ECHDC3: variants seen among roughly 807,000 people sequenced by gnomAD.
The protein encoded by ECHDC3 is enoyl-CoA hydratase domain containing 3, also known as enoyl-CoA hydratase domain-containing protein 3, mitochondrial.
A neutral mutation model predicts 17.9 loss-of-function variants in ECHDC3; 20 were observed. The ratio of observed to expected loss-of-function variants is 1.12; its 90% CI spans 0.79 to 1.63. ECHDC3 has a LOEUF of 1.63. Ranked by LOEUF, ECHDC3 falls within the 40% of genes most tolerant of loss-of-function variation. ECHDC3 has a pLI of 0.00. For synonymous variants in ECHDC3, 177 were observed against 149.7 expected (o/e 1.18, Z -1.33); for missense variants, 407 against 357.7 (o/e 1.14, Z -1.11).
rs1832703238 is a variant in ECHDC3, at chr10:11,742,423, C to G, written c.-154C>G. On this transcript the variant is annotated 5_prime_UTR_variant, in exon 1 of 5. Transcript: ENST00000379215. ...CTGGCCTGGGGCGTCCCCGCGAAGC[C>G]TGGGCCTGTCAGGCGGTTCCGTCCG... 2.9e-6 allele frequency: 2 copies of G among 685,298 alleles called. No individual in the cohort carries two copies. Among genetic ancestry groups the G allele is most frequent in the Admixed American group, 5.1e-5 (1 of 19,744 alleles). The allele number at this position is 685,298 out of a possible 1,614,324, so 42.5% of individuals were successfully genotyped here. A position where few individuals can be genotyped will look rare whatever the true frequency, so the allele number is the denominator to read the frequency against.
At position 11,763,631 on chromosome 10, in the gene ECHDC3, C is replaced by G; in HGVS notation, c.*87C>G. Reference sequence around the variant, plus strand: ...AGCCACCACTGCCTCTCAGCTTCAACAGGTGACAGGCTGCTTTCGTGACTT... The same window carrying G: ...AGCCACCACTGCCTCTCAGCTTCAAGAGGTGACAGGCTGCTTTCGTGACTT... On this transcript the variant is annotated 3_prime_UTR_variant, in exon 5 of 5. Coordinates refer to ENST00000379215, the MANE Select transcript of ECHDC3 (RefSeq NM_024693.5). This position sits in a 1 kb window ranked among gnomAD's most constrained non-coding sequence, Gnocchi z 4.9. The G allele has an allele frequency of 7.0e-7, 1 of 1,435,508 alleles. No homozygotes were observed. The highest frequency in any genetic ancestry group is 9.1e-7 in the Non-Finnish European group (1 of 1,098,454). 88.9% of individuals were successfully genotyped at this position (1,435,508 alleles called of 1,614,324 possible). A position where few individuals can be genotyped will look rare whatever the true frequency, so the allele number is the denominator to read the frequency against.
chr10:11,749,817 A>G (rs1490600363), intron 3 of ECHDC3, among the ~76,000 whole-genome samples: 1 of 94,000 alleles, frequency 1.1e-5, no homozygotes, highest in Non-Finnish European at 1.8e-5. Flanking sequence ...TTTTTTTGAG[A>G]CAGAGTCTCC....
intron 2 of ECHDC3, 87 bp from the exon 3 acceptor site, chr10:11,749,408 A>G: frequency 8.0e-7 from 1 of 1,253,642 alleles, no homozygotes; most frequent in Non-Finnish European, 1.1e-6. Flanking sequence ...TGCTGAAGTT[A>G]TTCAGTAGAC....
At chr10:11,753,172 G>A (rs10159843) in intron 3 of ECHDC3, among the ~76,000 whole-genome samples, 141,828 of 151,950 alleles carry the variant, frequency 0.93, 67,035 homozygotes, top group East Asian at 1. Flanking sequence ...GTTGAGGTGA[G>A]GAGTTTGAGA....
rs201685529 is a variant in ECHDC3, at chr10:11,763,496, G to A, written c.864G>A (p.Thr288=). 118 of 1,297,568 alleles carry A rather than the reference G, an allele frequency of 9.1e-5. No homozygotes were observed. Among genetic ancestry groups the A allele is most frequent in the South Asian group, 4.7e-4 (39 of 83,806 alleles). The allele number at this position is 1,297,568 out of a possible 1,614,324, so 80.4% of individuals were successfully genotyped here. Reference sequence around the variant, plus strand: ...TGCGGGACGGGCAGGAGGGCATCACGGCCTTCCTCCAGAAGAGAAAACCTG... The same window carrying A: ...TGCGGGACGGGCAGGAGGGCATCACAGCCTTCCTCCAGAAGAGAAAACCTG... The part of the protein sequence containing the change: ...LALRDGQEGI[T]AFLQKRKPVW... The change falls in exon 5 of 5, where the codon ACG becomes ACA. Residue 288 remains threonine (T), a synonymous_variant. Coordinates refer to ENST00000379215, the MANE Select transcript of ECHDC3 (RefSeq NM_024693.5). The surrounding 1 kb of genome is among the most constrained non-coding windows in gnomAD (Gnocchi z 4.9).
At chr10:11,748,228 C>CT (rs34875008) in intron 2 of ECHDC3, among the ~76,000 whole-genome samples, 1 of 150,602 alleles carries the variant, frequency 6.6e-6, no homozygotes, top group African/African-American at 2.4e-5. Context: ...TTAACGTCTT[C>CT]TTTTTTTTTT....
chr10:11,763,985 A>G lies in ECHDC3; in HGVS notation c.*441A>G, dbSNP rs991678082. ...TCCACGAGATATTCTCCACACAGAA[A>G]ATCTTCTTGATTCTATAGAGACTTA... On this transcript the variant is annotated 3_prime_UTR_variant, in exon 5 of 5. Transcript: ENST00000379215. The surrounding 1 kb of genome is among the most constrained non-coding windows in gnomAD (Gnocchi z 4.9). 7.1e-6 allele frequency: 7 copies of G among 979,876 alleles called. No individual in the cohort carries two copies. Among genetic ancestry groups the G allele is most frequent in the Non-Finnish European group, 8.5e-6 (7 of 824,048 alleles). The allele number at this position is 979,876 out of a possible 1,614,324, so 60.7% of individuals were successfully genotyped here.
intron 4 of ECHDC3, among the ~76,000 whole-genome samples, chr10:11,761,821 T>TCCTG (rs1414608114): frequency 6.6e-6 from 1 of 152,238 alleles, no homozygotes; most frequent in Admixed American, 6.5e-5. Context: ...TACTCTGTTT[T>TCCTG]CCTGCCTGCC....
chr10:11,749,568 C>T lies in ECHDC3; in HGVS notation c.366C>T (p.Ala122=), dbSNP rs770766925. 46 of 1,613,930 alleles carry T rather than the reference C, an allele frequency of 2.9e-5. No individual in the cohort carries two copies. The highest frequency in any genetic ancestry group is 2.0e-4 in the East Asian group (9 of 44,896). Residue 122 remains alanine (A), a synonymous_variant, in exon 3 of 5, where the codon GCC becomes GCT. Coordinates refer to ENST00000379215, the MANE Select transcript of ECHDC3 (RefSeq NM_024693.5). ...LTEEQGRDYH[A]EVFQTCSKVM... ...AGGAGCAAGGCCGTGATTACCATGC[C>T]GAAGTATTTCAGACCTGTTCCAAGG... is the stretch of plus-strand genomic sequence containing the variant.
Position 11,763,442 on chromosome 10 carries a change from C to T in ECHDC3, c.810C>T (p.Thr270=), listed in dbSNP as rs778658695. The T allele has an allele frequency of 4.6e-6, 4 of 878,832 alleles. No individual in the cohort carries two copies. Among genetic ancestry groups the T allele is most frequent in the South Asian group, 3.9e-5 (3 of 76,778 alleles). The allele number at this position is 878,832 out of a possible 1,614,324, so 54.4% of individuals were successfully genotyped here. Residue 270 remains threonine (T), a synonymous_variant, in exon 5 of 5, where the codon ACC becomes ACT. Transcript: ENST00000379215. The surrounding 1 kb of genome is among the most constrained non-coding windows in gnomAD (Gnocchi z 4.9). ...PQDLGTAYYL[T]SQAMVDNLAL... ...ACCTGGGGACGGCTTACTACCTCAC[C>T]TCCCAGGCCATGGTGGACAACCTGG...
At chr10:11,760,455 G>A (rs1486942991) in intron 4 of ECHDC3, among the ~76,000 whole-genome samples, 3 of 152,226 alleles carry the variant, frequency 2.0e-5, no homozygotes, top group Non-Finnish European at 2.9e-5. Context: ...GGCCAGGAAG[G>A]AACACTTACT....
At chr10:11,752,278 A>ATTTC (rs1554759323) in intron 3 of ECHDC3, 2 of 99,322 alleles carry the variant, frequency 2.0e-5, no homozygotes, top group African/African-American at 7.5e-5. Context: ...TGCCCGGTTA[A>ATTTC]TTTTTTTTTT....
At chr10:11,755,265 G>T (rs1832871701) in intron 3 of ECHDC3, 143 bp from the exon 4 acceptor site, 4 of 685,026 alleles carry the variant, frequency 5.8e-6, no homozygotes, top group Non-Finnish European at 9.4e-6. Flanking sequence ...GGAAGAGGTT[G>T]CAGTGAGCCA....
intron 3 of ECHDC3, among the ~76,000 whole-genome samples, chr10:11,754,882 CAGAA>C (rs1435572060): frequency 3.3e-5 from 5 of 152,218 alleles, no homozygotes; most frequent in Non-Finnish European, 5.9e-5. Flanking sequence ...ATGGGGCTCT[CAGAA>C]AGACCAAATT....
At chr10:11,745,798 G>A (rs1832752508) in intron 1 of ECHDC3, among the ~76,000 whole-genome samples, 1 of 152,314 alleles carries the variant, frequency 6.6e-6, no homozygotes, top group Non-Finnish European at 1.5e-5. Context: ...CCCATTTCTT[G>A]TAACAGCCAA....
At chr10:11,757,429 T>C (rs1832896340) in intron 4 of ECHDC3, among the ~76,000 whole-genome samples, 1 of 152,134 alleles carries the variant, frequency 6.6e-6, no homozygotes, top group East Asian at 1.9e-4. Flanking sequence ...AGCCCAGTCT[T>C]CAGAAACCCC....
Position 11,742,723 on chromosome 10 carries a change from C to A in ECHDC3, c.147C>A (p.Ser49Arg). The A allele has an allele frequency of 2.4e-6, 3 of 1,234,628 alleles. No individual in the cohort carries two copies. The highest frequency in any genetic ancestry group is 3.0e-6 in the Non-Finnish European group (3 of 989,554). The allele number at this position is 1,234,628 out of a possible 1,614,324, so 76.5% of individuals were successfully genotyped here. Reference sequence around the variant, plus strand: ...GGGAGTCGGAGCCGCGGCCCACCAGCGCGCGGCAGCTGGACGGCATAAGGT... The same window carrying A: ...GGGAGTCGGAGCCGCGGCCCACCAGAGCGCGGCAGCTGGACGGCATAAGGT... The part of the protein sequence containing the change: ...GRRESEPRPT[S>R]ARQLDGIRNI... Residue 49 changes from serine (S) to arginine (R), a missense_variant, in exon 1 of 5, where the codon AGC becomes AGA. Physicochemically the swap from Ser to Arg is moderately radical, Grantham distance 110. Transcript: ENST00000379215.
chr10:11,742,396 G>T lies in ECHDC3; in HGVS notation c.-181G>T. 2.6e-6 allele frequency: 1 copy of T among 383,758 alleles called. No homozygotes were observed. Among genetic ancestry groups the T allele is most frequent in the Non-Finnish European group, 3.9e-6 (1 of 257,424 alleles). 23.8% of individuals were successfully genotyped at this position (383,758 alleles called of 1,614,324 possible). On this transcript the variant is annotated 5_prime_UTR_variant, in exon 1 of 5. Coordinates refer to ENST00000379215, the MANE Select transcript of ECHDC3 (RefSeq NM_024693.5). Reference sequence around the variant, plus strand: ...CGGGGCGGGGCGTAGTACGGACTGGGCCTGGCCTGGGGCGTCCCCGCGAAG... The same window carrying T: ...CGGGGCGGGGCGTAGTACGGACTGGTCCTGGCCTGGGGCGTCCCCGCGAAG...
intron 4 of ECHDC3, among the ~76,000 whole-genome samples, chr10:11,762,696 A>G (rs1208981156): frequency 1.3e-5 from 2 of 152,208 alleles, no homozygotes; most frequent in Non-Finnish European, 2.9e-5. Flanking sequence ...TTGGTGAGTT[A>G]AAACCATGCT....
Sources: gnomAD v4.1 joint callset for allele counts (sites outside exome capture counted in the v4.1 genomes callset) on GRCh38, gnomAD v4.1.1 for gene constraint, Gnocchi (gnomAD v3.1) non-coding constraint, MANE v1.5 for transcripts, NCBI Gene and HGNC (gene_info 2026-07-23, HGNC 2026-07-21) for gene names.